Variants in DZIP3 observed in about 807,000 individuals in gnomAD.
DZIP3 encodes the protein DAZ interacting zinc finger protein 3, also known as E3 ubiquitin-protein ligase DZIP3.
A neutral mutation model predicts 162.0 loss-of-function variants in DZIP3; 118 were observed. The observed-to-expected ratio is 0.73, with a 90% confidence interval of 0.63 to 0.85. The LOEUF (loss-of-function observed/expected upper bound fraction) is 0.85, where lower values mean the gene tolerates loss of function less well. Ranked by LOEUF, DZIP3 falls within the 40% of genes least tolerant of loss-of-function variation. The pLI is 0.00. For synonymous variants in DZIP3, 438 were observed against 458.6 expected, an observed-to-expected ratio of 0.96 and a Z score of 0.57; for missense variants, 1,331 against 1,407.0, an observed-to-expected ratio of 0.95 and a Z score of 0.86.
rs190072666 is a variant in DZIP3 at position 108,625,250 on chromosome 3, A to G, written c.457-595A>G. The stretch of plus-strand genomic sequence containing the variant: ...ATTTACTTCCAGACCTATGTTGTTT[A>G]TGATTAAGGTGGTGATTCCCCAAAA... On this transcript the variant is annotated intron_variant, in intron 6 of 32. Coordinates refer to ENST00000361582, the MANE Select transcript of DZIP3 (RefSeq NM_014648.4). Among the ~76,000 whole-genome samples the G allele has an allele frequency of 2.5e-3, 384 of 152,152 alleles. 3 individuals are homozygous for G. The highest frequency in any genetic ancestry group is 0.01 in the Middle Eastern group (3 of 294).
chr3:108,660,106 A>C (rs893670927), intron 19 of DZIP3, among the ~76,000 whole-genome samples: 2 of 152,218 alleles, frequency 1.3e-5, no homozygotes, highest in African/African-American at 4.8e-5. Context: ...TCAAGCTACC[A>C]ATGACTTTTT....
chr3:108,621,527 GT>G lies in DZIP3; in HGVS notation c.376-2915del, dbSNP rs2107550865. ...TTTCAACAGATGCTGAAAAAGTAGGGTTGGTATTTTTGTAGAGATGGTGTCT... is the reference window on the plus strand; with the variant it reads ...TTTCAACAGATGCTGAAAAAGTAGGGTGGTATTTTTGTAGAGATGGTGTCT... On this transcript the variant is annotated intron_variant, in intron 5 of 32. Transcript: ENST00000361582. 1.3e-5 allele frequency among the ~76,000 whole-genome samples: 2 copies of G among 152,250 alleles called. 1 individual carries two copies. Among genetic ancestry groups the G allele is most frequent in the Non-Finnish European group, 2.9e-5 (2 of 68,018 alleles).
intron 15 of DZIP3, 146 bp from the exon 16 acceptor site, chr3:108,647,797 C>G: frequency 1.6e-6 from 1 of 638,138 alleles, no homozygotes; most frequent in Non-Finnish European, 2.5e-6. Context: ...AAATGAACAT[C>G]ACATTTTCAT....
rs1942633626 is a variant in DZIP3 at position 108,646,646 on chromosome 3, C to T, written c.1789C>T (p.Gln597Ter). The change falls in exon 15 of 33, where the codon CAG (glutamine) becomes TAG (stop). Residue 597 changes from glutamine (Q) to a stop codon, truncating the protein, a stop_gained. Transcript: ENST00000361582. LOFTEE classifies it high-confidence loss of function. ...GIALQSITGS[Q>*]RIEIEELQNE... The stretch of plus-strand genomic sequence containing the variant: ...TGCTCTACAGTCAATAACAGGCAGT[C>T]AGCGTAAGTATATTTAGAAATAAAA... 6.4e-7 allele frequency: 1 copy of T among 1,557,740 alleles called. No individual in the cohort carries two copies. The highest frequency in any genetic ancestry group is 2.1e-5 in the Admixed American group (1 of 47,108).
intron 21 of DZIP3, among the ~76,000 whole-genome samples, chr3:108,669,215 A>G (rs1239887078): frequency 6.6e-6 from 1 of 151,952 alleles, no homozygotes. Flanking sequence ...CAGCCTCATC[A>G]CTTCAATATT....
chr3:108,628,999 A>G (rs1393946579), intron 7 of DZIP3, 63 bp from the exon 8 acceptor site: 2 of 999,432 alleles, frequency 2.0e-6, no homozygotes, highest in Non-Finnish European at 2.9e-6. Flanking sequence ...TTGTTGTCTC[A>G]TTGGTAAACC....
rs1168048022 is a variant in DZIP3, at chr3:108,688,828, G to A, written c.3420G>A (p.Glu1140=). 3.7e-6 allele frequency: 6 copies of A among 1,613,990 alleles called. No individual in the cohort carries two copies. Among genetic ancestry groups the A allele is most frequent in the Middle Eastern group, 3.3e-4 (2 of 6,084 alleles). ...ATWEGASNPD[E]EEEEEEPCVI... ...ATTTTCTGTATTTTCCCTAGGATGA[G>A]GAAGAGGAAGAAGAAGAGCCTTGTG... Residue 1140 remains glutamate (E), a synonymous_variant, in exon 31 of 33, where the codon GAG becomes GAA. Coordinates refer to ENST00000361582, the MANE Select transcript of DZIP3 (RefSeq NM_014648.4).
At chr3:108,648,135 G>A (rs367947717) in intron 16 of DZIP3, 23 bp downstream of exon 16, 5 of 1,567,274 alleles carry the variant, frequency 3.2e-6, no homozygotes, top group Non-Finnish European at 3.4e-6. Flanking sequence ...ATTAATATTT[G>A]AGTTAGAAGA....
Position 108,669,691 on chromosome 3 carries a change from C to T in DZIP3, c.2434C>T (p.Gln812Ter). 1.9e-6 allele frequency: 3 copies of T among 1,611,016 alleles called. No individual in the cohort carries two copies. Among genetic ancestry groups the T allele is most frequent in the Non-Finnish European group, 2.5e-6 (3 of 1,178,208 alleles). Residue 812 changes from glutamine (Q) to a stop codon, truncating the protein, a stop_gained, in exon 22 of 33, where the codon CAA becomes TAA. Transcript: ENST00000361582. LOFTEE classifies it high-confidence loss of function. ...GINKVSKLQR[Q>*]IHAKDNEIKN... ...TGCTTGTTTGCTTAGATTACAGCGT[C>T]AAATCCATGCTAAAGATAATGAAAT... is the stretch of plus-strand genomic sequence containing the variant.
intron 27 of DZIP3, 76 bp from the exon 28 acceptor site, chr3:108,686,369 A>G (rs1210865161): frequency 7.3e-7 from 1 of 1,370,132 alleles, no homozygotes; most frequent in Non-Finnish European, 9.6e-7. Flanking sequence ...TCTTCATTGT[A>G]CCCATTTTCT....
chr3:108,677,566 C>G lies in DZIP3; in HGVS notation c.2851C>G (p.Leu951Val). 1 of 1,612,674 alleles carries G rather than the reference C, an allele frequency of 6.2e-7. No homozygotes were observed. Among genetic ancestry groups the G allele is most frequent in the Non-Finnish European group, 8.5e-7 (1 of 1,179,014 alleles). The change falls in exon 26 of 33, where the codon CTT becomes GTT. Residue 951 changes from leucine to valine, a missense_variant. Leu to Val is a conservative substitution (Grantham distance 32). Around this residue, in one of 2 missense-constraint regions of DZIP3, gnomAD observed 1,278 missense variants for 1,317.1 expected, o/e 0.97. Transcript: ENST00000361582. ...FALSTLPPVQ[L>V]PPPPPSPEIL... ...CTTGAGTACCTTGCCTCCAGTCCAG[C>G]TTCCTCCTCCACCACCCAGTCCTGA...
At position 108,677,406 on chromosome 3, in the gene DZIP3, T is replaced by C. The variant is rs536076750; in HGVS notation, c.2782-91T>C. The C allele has an allele frequency of 5.7e-6, 6 of 1,049,250 alleles. No individual in the cohort carries two copies. In the Admixed American group the frequency reaches 9.0e-5, roughly 16 times the overall value. The allele number at this position is 1,049,250 out of a possible 1,614,324, so 65.0% of individuals were successfully genotyped here. A position where few individuals can be genotyped will look rare whatever the true frequency, so the allele number is the denominator to read the frequency against. On this transcript the variant is annotated intron_variant, in intron 25 of 32. Coordinates refer to ENST00000361582, the MANE Select transcript of DZIP3 (RefSeq NM_014648.4). ...ACAGGTTGGCAACCACTCTTGTATG[T>C]TGTATTATTCAAAACTACATCAGAT...
chr3:108,674,257 G>A lies in DZIP3; in HGVS notation c.2693+76G>A, dbSNP rs1209482376. Reference sequence around the variant, plus strand: ...GTGTCTCCACGGTTGAATATAATCTGTGATGTGTTTTACATATGTGACATC... The same window carrying A: ...GTGTCTCCACGGTTGAATATAATCTATGATGTGTTTTACATATGTGACATC... On this transcript the variant is annotated intron_variant, in intron 24 of 32. Transcript: ENST00000361582. 1.6e-5 allele frequency: 21 copies of A among 1,307,178 alleles called. No individual in the cohort carries two copies. The East Asian group carries it at 3.5e-4, about 22-fold the overall frequency. The allele number at this position is 1,307,178 out of a possible 1,614,324, so 81.0% of individuals were successfully genotyped here. A position where few individuals can be genotyped will look rare whatever the true frequency, so the allele number is the denominator to read the frequency against.
chr3:108,606,686 T>C (rs182527658), intron 2 of DZIP3, among the ~76,000 whole-genome samples: 1 of 152,246 alleles, frequency 6.6e-6, no homozygotes, highest in East Asian at 1.9e-4. Context: ...AGAAAAATTT[T>C]TGGGGTGTAT....
chr3:108,666,153 G>A (rs1292681660), intron 21 of DZIP3, among the ~76,000 whole-genome samples: 1 of 151,910 alleles, frequency 6.6e-6, no homozygotes, highest in African/African-American at 2.4e-5. Flanking sequence ...GTATGTAGAA[G>A]AAACACCAGT....
chr3:108,622,836 G>GTCTCTC (rs368466391), intron 5 of DZIP3, among the ~76,000 whole-genome samples: 4 of 62,826 alleles, frequency 6.4e-5, no homozygotes, highest in Admixed American at 2.0e-4. Flanking sequence ...AACAAACAGA[G>GTCTCTC]TCTCTCTCTC....
upstream of DZIP3, chr3:108,589,541 G>A (rs1939251690): frequency 7.8e-6 from 4 of 513,494 alleles, no homozygotes; most frequent in East Asian, 6.6e-5. Flanking sequence ...ACCGTTCTCG[G>A]TGACGGCCGG....
chr3:108,654,181 A>G lies in DZIP3; in HGVS notation c.2070A>G (p.Lys690=), dbSNP rs1478855335. The change falls in exon 19 of 33, where the codon AAA becomes AAG. Residue 690 remains lysine (K), a synonymous_variant. Coordinates refer to ENST00000361582, the MANE Select transcript of DZIP3 (RefSeq NM_014648.4). ...YVVEKEEQLR[K]EQANPHSVSR... ...TAGAAAAGGAAGAGCAGTTGAGGAA[A>G]GAACAAGCAAATCCACACTCAGTCA... 4 of 1,613,698 alleles carry G rather than the reference A, an allele frequency of 2.5e-6. No homozygotes were observed. Among genetic ancestry groups the G allele is most frequent in the Middle Eastern group, 1.7e-4 (1 of 6,058 alleles).
At chr3:108,677,421 C>A in intron 25 of DZIP3, 76 bp from the exon 26 acceptor site, 4 of 1,176,378 alleles carry the variant, frequency 3.4e-6, no homozygotes, top group Non-Finnish European at 5.0e-6. Context: ...TTATTCAAAA[C>A]TACATCAGAT....
Sources: gnomAD v4.1 joint callset for allele counts (sites outside exome capture counted in the v4.1 genomes callset) on GRCh38, gnomAD v4.1.1 for gene constraint, gnomAD v4.1.1 regional missense constraint, MANE v1.5 for transcripts, NCBI Gene and HGNC (gene_info 2026-07-23, HGNC 2026-07-21) for gene names.